MYOM2: variants seen among roughly 807,000 people sequenced by gnomAD.
The protein encoded by MYOM2 is myomesin 2.
MYOM2 carries 254 observed loss-of-function variants against 187.6 expected under a neutral mutation model. The observed-to-expected ratio is 1.35, with a 90% confidence interval of 1.22 to 1.50. The LOEUF is 1.50. Among genes scored for constraint, MYOM2 ranks in the 40% most tolerant of loss-of-function variants. The pLI, the probability that MYOM2 is intolerant of heterozygous loss-of-function variation, is 0.00. For synonymous variants in MYOM2, 981 were observed against 753.8 expected (o/e 1.30, Z -4.94); for missense variants, 2,796 against 1,924.0 (o/e 1.45, Z -8.48).
intron 36 of MYOM2, among the ~76,000 whole-genome samples, chr8:2,144,421 A>ATAT (rs1316227768): frequency 1.3e-5 from 2 of 152,254 alleles, no homozygotes; most frequent in Non-Finnish European, 2.9e-5. Flanking sequence ...AGCTAAGAAT[A>ATAT]AATAGGACAC....
At chr8:2,141,272 G>A in intron 34 of MYOM2, 95 bp downstream of exon 34, 4 of 1,100,076 alleles carry the variant, frequency 3.6e-6, no homozygotes, top group South Asian at 1.4e-5. Flanking sequence ...AAGCCTGGGT[G>A]ACCTAAAGAA....
chr8:2,063,456 T>G (rs970599278), intron 6 of MYOM2, among the ~76,000 whole-genome samples: 1 of 152,244 alleles, frequency 6.6e-6, no homozygotes, highest in Non-Finnish European at 1.5e-5. Flanking sequence ...TCATAAGATT[T>G]TCCCATGGGA....
At chr8:2,143,708 A>G (rs961270832) in intron 36 of MYOM2, among the ~76,000 whole-genome samples, 7 of 152,106 alleles carry the variant, frequency 4.6e-5, no homozygotes, top group African/African-American at 1.4e-4. Flanking sequence ...ACGTTGTGCC[A>G]CTCAGGCACC....
chr8:2,065,369 G>A (rs555920099), intron 6 of MYOM2, among the ~76,000 whole-genome samples: 1 of 152,260 alleles, frequency 6.6e-6, no homozygotes, highest in East Asian at 1.9e-4. Context: ...AGGAGTTTGA[G>A]ACCAGCCTGA....
chr8:2,091,891 G>A (rs1796315789), intron 15 of MYOM2, among the ~76,000 whole-genome samples: 1 of 152,218 alleles, frequency 6.6e-6, no homozygotes. Flanking sequence ...GTGGGGCCTG[G>A]CACCACATGA....
At chr8:2,136,509 G>A (rs752288591) in intron 32 of MYOM2, among the ~76,000 whole-genome samples, 3 of 152,172 alleles carry the variant, frequency 2.0e-5, no homozygotes, top group Non-Finnish European at 4.4e-5. Flanking sequence ...CCCAGATTGT[G>A]TGGCTGTTGT....
At chr8:2,135,574 G>C (rs1435754803) in intron 32 of MYOM2, among the ~76,000 whole-genome samples, 1 of 151,912 alleles carries the variant, frequency 6.6e-6, no homozygotes, top group East Asian at 1.9e-4. Flanking sequence ...CCATCCTGCT[G>C]GTTGCTTTAG....
intron 6 of MYOM2, among the ~76,000 whole-genome samples, chr8:2,068,913 G>A (rs1259882461): frequency 1.3e-5 from 2 of 152,206 alleles, no homozygotes; most frequent in African/African-American, 2.4e-5. Context: ...TTGAGGTCAC[G>A]GGAGGCTGTC....
chr8:2,095,732 C>G (rs757804916), intron 17 of MYOM2, among the ~76,000 whole-genome samples: 4 of 152,156 alleles, frequency 2.6e-5, no homozygotes, highest in Non-Finnish European at 5.9e-5. Flanking sequence ...AGAAGGCGGT[C>G]CGTTTCAAAT....
At chr8:2,124,036 T>G (rs1216377790) in intron 30 of MYOM2, 143 bp from the exon 31 acceptor site, 2 of 830,464 alleles carry the variant, frequency 2.4e-6, no homozygotes, top group African/African-American at 3.4e-5. Context: ...ACATAAGTCT[T>G]TTATGGATAA....
chr8:2,123,589 C>T lies in MYOM2; in HGVS notation c.3602C>T (p.Thr1201Ile). 1 of 1,614,130 alleles carries T rather than the reference C, an allele frequency of 6.2e-7. No homozygotes were observed. The highest frequency in any genetic ancestry group is 8.5e-7 in the Non-Finnish European group (1 of 1,180,010). ...SKKDHGEYKA[T>I]LKDDRGQDVS... ...AAGGACCACGGTGAATACAAGGCAA[C>T]CTTGAAAGATGACAGAGGCCAAGAT... The change falls in exon 30 of 37, where the codon ACC (threonine) becomes ATC (isoleucine). Residue 1201 changes from threonine (T) to isoleucine (I), a missense_variant. Physicochemically the swap from Thr to Ile is moderately conservative, Grantham distance 89 (BLOSUM62 -1). Transcript: ENST00000262113.
At chr8:2,087,079 G>C (rs549031271) in intron 14 of MYOM2, among the ~76,000 whole-genome samples, 44 of 152,248 alleles carry the variant, frequency 2.9e-4, no homozygotes, top group Admixed American at 7.8e-4. Context: ...ACCCTGTCCG[G>C]TGACATTAAA....
chr8:2,094,134 A>T, intron 17 of MYOM2, 43 bp downstream of exon 17: 1 of 1,605,752 alleles, frequency 6.2e-7, no homozygotes, highest in Non-Finnish European at 8.5e-7. Context: ...GCTCCCATAC[A>T]CTGTCATTTC....
In MYOM2 at chr8:2,066,146, G is replaced by A. The variant is rs536160639; in HGVS notation, c.654-3132G>A. Among the ~76,000 whole-genome samples the A allele has an allele frequency of 2.0e-4, 30 of 152,290 alleles. 1 individual carries two copies. The highest frequency in any genetic ancestry group is 1.0e-3 in the South Asian group (5 of 4,824). On this transcript the variant is annotated intron_variant, in intron 6 of 36. Coordinates refer to ENST00000262113, the MANE Select transcript of MYOM2 (RefSeq NM_003970.4). ...GGGCTTGGGGACAGCCCGTGCCCTG[G>A]TCCAGCCGGGTCACATCCCGTGAGT... is the stretch of plus-strand genomic sequence containing the variant.
chr8:2,092,488 G>A lies in MYOM2; in HGVS notation c.1971G>A (p.Glu657=), dbSNP rs374666004. Reference sequence around the variant, plus strand: ...GTGTGGCCGGAACCAACCTCTGGGAGCCCTGCAACCACAAGCCCATCGGAT... The same window carrying A: ...GTGTGGCCGGAACCAACCTCTGGGAACCCTGCAACCACAAGCCCATCGGAT... ...DCCVAGTNLW[E]PCNHKPIGYN... is the part of the protein sequence containing the mutation. Residue 657 remains glutamate, a synonymous_variant, in exon 16 of 37, where the codon GAG becomes GAA. Transcript: ENST00000262113. The A allele has an allele frequency of 1.9e-6, 3 of 1,613,948 alleles. No individual in the cohort carries two copies. In the African/African-American group the frequency reaches 4.0e-5, roughly 22 times the overall value.
chr8:2,050,919 G>A (rs1174966441), intron 2 of MYOM2, 46 bp downstream of exon 2: 3 of 1,446,618 alleles, frequency 2.1e-6, no homozygotes, highest in African/African-American at 1.4e-5. Context: ...TTGATTATGG[G>A]GGTCTGACAT....
At chr8:2,067,588 C>T (rs977726813) in intron 6 of MYOM2, among the ~76,000 whole-genome samples, 1 of 152,154 alleles carries the variant, frequency 6.6e-6, no homozygotes, top group Non-Finnish European at 1.5e-5. Context: ...AGCGCCTCTT[C>T]CTTACCCCCT....
intron 20 of MYOM2, 87 bp from the exon 21 acceptor site, chr8:2,102,580 A>C: frequency 1.3e-6 from 1 of 768,520 alleles, no homozygotes; most frequent in Non-Finnish European, 2.1e-6. Context: ...ATTTTTGAAA[A>C]GGCCCTATTC....
chr8:2,132,814 C>G (rs1394011154), intron 32 of MYOM2, among the ~76,000 whole-genome samples: 1 of 152,194 alleles, frequency 6.6e-6, no homozygotes, highest in Non-Finnish European at 1.5e-5. Context: ...CAGAGTCTGA[C>G]TTTGTAAATG....
Sources: gnomAD v4.1 joint callset for allele counts (sites outside exome capture counted in the v4.1 genomes callset) on GRCh38, gnomAD v4.1.1 for gene constraint, MANE v1.5 for transcripts, NCBI Gene and HGNC (gene_info 2026-07-23, HGNC 2026-07-21) for gene names.